Variants in MRPS9 observed in about 807,000 individuals in gnomAD.
The protein encoded by MRPS9 is small ribosomal subunit protein uS9m.
MRPS9 carries 45 observed loss-of-function variants against 59.9 expected under a neutral mutation model. The observed-to-expected ratio is 0.75, with a 90% CI of 0.59 to 0.96. The LOEUF (loss-of-function observed/expected upper bound fraction) is 0.96. MRPS9 is among the 40% of genes least tolerant of loss of function. The probability of loss-of-function intolerance (pLI) is 0.00; values close to 1 mark genes in which losing one functional copy is unlikely to be tolerated. For missense variants in MRPS9, 473 were observed against 481.1 expected (o/e 0.98, Z 0.16); for synonymous variants, 171 against 166.8 (o/e 1.03, Z -0.19).
intron 4 of MRPS9, among the ~76,000 whole-genome samples, chr2:105,077,090 T>C (rs1157870643): frequency 1.3e-5 from 2 of 151,756 alleles, no homozygotes; most frequent in East Asian, 3.9e-4. Flanking sequence ...CTACTAAAAA[T>C]ACAAAATAGC....
chr2:105,051,716 A>G (rs1679714306), intron 2 of MRPS9, among the ~76,000 whole-genome samples: 1 of 152,048 alleles, frequency 6.6e-6, no homozygotes, highest in South Asian at 2.1e-4. Context: ...AATTTCTCTC[A>G]GTGATGTTTT....
At chr2:105,085,155 A>T (rs1680423397) in intron 5 of MRPS9, among the ~76,000 whole-genome samples, 1 of 152,158 alleles carries the variant, frequency 6.6e-6, no homozygotes, top group Non-Finnish European at 1.5e-5. Flanking sequence ...AGTATATTGT[A>T]TTGTATTCAC....
intron 1 of MRPS9, among the ~76,000 whole-genome samples, chr2:105,044,811 A>C (rs1416434058): frequency 6.6e-6 from 1 of 152,224 alleles, no homozygotes; most frequent in African/African-American, 2.4e-5. Context: ...CAGCTGAAGA[A>C]AATACAAAGG....
intron 2 of MRPS9, among the ~76,000 whole-genome samples, chr2:105,052,373 T>C (rs56115469): frequency 0.21 from 31,372 of 152,058 alleles, 3,281 homozygotes; most frequent in Middle Eastern, 0.35. Flanking sequence ...GTCAGATGCT[T>C]TTCCATTTTG....
intron 1 of MRPS9, chr2:105,038,483 T>C (rs866888889): frequency 1.3e-5 from 6 of 477,630 alleles, no homozygotes; most frequent in Non-Finnish European, 1.9e-5. Context: ...GACCTCCTCC[T>C]TCATTTGGCT....
chr2:105,080,603 CAG>C (rs1210238472), intron 5 of MRPS9, among the ~76,000 whole-genome samples: 1 of 152,030 alleles, frequency 6.6e-6, no homozygotes, highest in Non-Finnish European at 1.5e-5. Context: ...GTTTTGTTTT[CAG>C]AGCTATAAGT....
At chr2:105,071,423 G>A in intron 3 of MRPS9, 36 bp from the exon 4 acceptor site, 1 of 1,583,480 alleles carries the variant, frequency 6.3e-7, no homozygotes, top group Non-Finnish European at 8.6e-7. Flanking sequence ...TATATGTTAT[G>A]ATAATTATCT....
intron 10 of MRPS9, 178 bp downstream of exon 10, chr2:105,097,502 C>T (rs992268884): frequency 8.3e-5 from 45 of 543,456 alleles, no homozygotes; most frequent in East Asian, 2.6e-4. Context: ...TTGATTTCTA[C>T]AAGGTGAGCT....
At chr2:105,079,043 G>A (rs1185857093) in intron 4 of MRPS9, among the ~76,000 whole-genome samples, 2 of 152,042 alleles carry the variant, frequency 1.3e-5, no homozygotes, top group Non-Finnish European at 2.9e-5. Flanking sequence ...TTCATGCGGG[G>A]GCGGAAATTA....
chr2:105,073,885 T>A (rs1473232802), intron 4 of MRPS9, among the ~76,000 whole-genome samples: 1 of 152,194 alleles, frequency 6.6e-6, no homozygotes. Flanking sequence ...CTTAAGGCTA[T>A]AACGAATTTG....
At chr2:105,079,118 G>A (rs576001589) in intron 4 of MRPS9, among the ~76,000 whole-genome samples, 23 of 152,146 alleles carry the variant, frequency 1.5e-4, no homozygotes, top group African/African-American at 4.8e-4. Flanking sequence ...TCATGCTGCC[G>A]TAGAGGAAAA....
chr2:105,075,234 T>A (rs1343477718), intron 4 of MRPS9, among the ~76,000 whole-genome samples: 1 of 152,180 alleles, frequency 6.6e-6, no homozygotes, highest in East Asian at 1.9e-4. Context: ...TAAATACAGA[T>A]GAAGCTATGC....
intron 4 of MRPS9, among the ~76,000 whole-genome samples, chr2:105,077,418 G>A (rs1434136492): frequency 6.6e-6 from 1 of 152,118 alleles, no homozygotes; most frequent in Non-Finnish European, 1.5e-5. Flanking sequence ...TAATATACAG[G>A]CCGTAAAAAG....
At chr2:105,059,333 G>C (rs936389538) in intron 2 of MRPS9, among the ~76,000 whole-genome samples, 11 of 152,254 alleles carry the variant, frequency 7.2e-5, no homozygotes, top group Admixed American at 1.3e-4. Flanking sequence ...AAAGAGTAAG[G>C]TGATGATTTT....
rs1679421459 is a variant in MRPS9 at position 105,038,120 on chromosome 2, G to A, written c.28G>A (p.Gly10Arg). The A allele has an allele frequency of 2.5e-6, 4 of 1,613,936 alleles. No individual in the cohort carries two copies. The highest frequency in any genetic ancestry group is 3.4e-6 in the Non-Finnish European group (4 of 1,179,992). The change falls in exon 1 of 11, where the codon GGA (glycine) becomes AGA (arginine). Residue 10 changes from glycine to arginine, a missense_variant. Physicochemically the swap from Gly to Arg is moderately radical, Grantham distance 125. Transcript: ENST00000258455. Reference sequence around the variant, plus strand: ...GGCGGCGCCCTGTGTGTCCTACGGCGGAGCAGTTTCGTACCGGCTTCTTCT... The same window carrying A: ...GGCGGCGCCCTGTGTGTCCTACGGCAGAGCAGTTTCGTACCGGCTTCTTCT... MAAPCVSYG[G>R]AVSYRLLLWG... is the part of the protein sequence containing the mutation.
rs148806241 is a variant in MRPS9 at position 105,097,570 on chromosome 2, T to C, written c.1099+246T>C. On this transcript the variant is annotated intron_variant, in intron 10 of 10. Coordinates refer to ENST00000258455, the MANE Select transcript of MRPS9 (RefSeq NM_182640.3). ...GATTATTTGAGCCCTGCTAAAATGT[T>C]CAGTTCCAAGGTCAGGGAAAAGTTA... 1.7e-3 allele frequency among the ~76,000 whole-genome samples: 264 copies of C among 152,356 alleles called. 3 individuals carry two copies. Among genetic ancestry groups the C allele is most frequent in the Middle Eastern group, 0.01 (3 of 294 alleles).
rs1458434894 is a variant in MRPS9, at chr2:105,097,246, G to A, written c.1021G>A (p.Ala341Thr). The change falls in exon 10 of 11, where the codon GCT becomes ACT. Residue 341 changes from alanine (A) to threonine (T), a missense_variant. Ala to Thr is a moderately conservative substitution (Grantham distance 58). Transcript: ENST00000258455. ...TVSGGGRSAQ[A>T]GAIRLAMAKA... is the part of the protein sequence containing the mutation. The stretch of plus-strand genomic sequence containing the variant: ...CTCAGGGGGCGGGAGGTCAGCGCAG[G>A]CTGGAGCAATACGACTGGCAATGGC... 7 of 1,613,268 alleles carry A rather than the reference G, an allele frequency of 4.3e-6. No homozygotes were observed. The highest frequency in any genetic ancestry group is 3.3e-4 in the Middle Eastern group (2 of 6,058).
intron 2 of MRPS9, among the ~76,000 whole-genome samples, chr2:105,063,142 A>AT (rs1679936803): frequency 6.6e-6 from 1 of 152,216 alleles, no homozygotes; most frequent in African/African-American, 2.4e-5. Flanking sequence ...GCCGTGGCAC[A>AT]TGCTGTAGTC....
At chr2:105,081,424 C>T (rs923426356) in intron 5 of MRPS9, among the ~76,000 whole-genome samples, 1 of 152,218 alleles carries the variant, frequency 6.6e-6, no homozygotes, top group Non-Finnish European at 1.5e-5. Context: ...CATTAATTCT[C>T]TTCCTGCCTT....
Sources: gnomAD v4.1 joint callset for allele counts (sites outside exome capture counted in the v4.1 genomes callset) on GRCh38, gnomAD v4.1.1 for gene constraint, MANE v1.5 for transcripts, NCBI Gene and HGNC (gene_info 2026-07-23, HGNC 2026-07-21) for gene names.